CCDC102B: variants seen among roughly 807,000 people sequenced by gnomAD.
The protein encoded by CCDC102B is coiled-coil domain containing 102B.
CCDC102B carries 75 observed loss-of-function variants against 57.4 expected under a neutral mutation model. That is an observed-to-expected ratio of 1.31 (90% CI 1.08 to 1.58). CCDC102B has a LOEUF of 1.58. Ranked by LOEUF, CCDC102B falls within the 40% of genes most tolerant of loss-of-function variation. CCDC102B has a pLI of 0.00. For missense variants in CCDC102B, 636 were observed against 582.6 expected (o/e 1.09, Z -0.94); for synonymous variants, 206 against 201.9 (o/e 1.02, Z -0.17).
intron 4 of CCDC102B, among the ~76,000 whole-genome samples, chr18:68,872,745 G>A (rs185825800): frequency 1.3e-5 from 2 of 151,690 alleles, no homozygotes; most frequent in South Asian, 4.2e-4. Flanking sequence ...CTTAATCTCA[G>A]CCTTGACTAT....
At chr18:69,019,054 G>A (rs2051752081) in intron 7 of CCDC102B, among the ~76,000 whole-genome samples, 1 of 151,786 alleles carries the variant, frequency 6.6e-6, no homozygotes, top group Non-Finnish European at 1.5e-5. Flanking sequence ...TATATTGATG[G>A]GTTCATTTCT....
At chr18:68,763,751 A>G (rs1479458424) in intron 2 of CCDC102B, among the ~76,000 whole-genome samples, 1 of 137,662 alleles carries the variant, frequency 7.3e-6, no homozygotes, top group African/African-American at 3.1e-5. Context: ...ACAGACAAAT[A>G]TTCCTCAATA....
intron 2 of CCDC102B, among the ~76,000 whole-genome samples, chr18:68,751,470 C>A (rs1854296862): frequency 6.6e-6 from 1 of 151,872 alleles, no homozygotes; most frequent in Non-Finnish European, 1.5e-5. Flanking sequence ...GAGAAATCAC[C>A]AAGAAAAAGC....
chr18:68,856,173 G>T (rs2038376427), intron 4 of CCDC102B, among the ~76,000 whole-genome samples: 1 of 151,804 alleles, frequency 6.6e-6, no homozygotes, highest in Non-Finnish European at 1.5e-5. Flanking sequence ...GTTTTATATT[G>T]CAGTAATTAT....
intron 2 of CCDC102B, among the ~76,000 whole-genome samples, chr18:68,748,393 A>C (rs2033714538): frequency 6.6e-6 from 1 of 152,108 alleles, no homozygotes; most frequent in Non-Finnish European, 1.5e-5. Context: ...TGAATATAAA[A>C]TCTACAGCAT....
At chr18:68,793,501 T>G (rs544916343), upstream of CCDC102B, among the ~76,000 whole-genome samples, 57 of 152,282 alleles carry the variant, frequency 3.7e-4, no homozygotes, top group African/African-American at 1.3e-3. Context: ...TTATTCAATA[T>G]TTTGATAGTA....
intron 6 of CCDC102B, among the ~76,000 whole-genome samples, chr18:68,930,498 C>CTA (rs1343132571): frequency 6.6e-6 from 1 of 151,844 alleles, no homozygotes; most frequent in African/African-American, 2.4e-5. Context: ...ATCAGGTGTG[C>CTA]TATAGGTGGT....
intron 6 of CCDC102B, among the ~76,000 whole-genome samples, chr18:68,898,808 G>A (rs1329881901): frequency 2.0e-5 from 3 of 152,064 alleles, no homozygotes; most frequent in Admixed American, 6.6e-5. Context: ...AGAATAAAGT[G>A]GAAGGGGACA....
chr18:68,764,105 G>T (rs620271), intron 2 of CCDC102B, among the ~76,000 whole-genome samples: 2 of 151,974 alleles, frequency 1.3e-5, no homozygotes, highest in Non-Finnish European at 2.9e-5. Context: ...AAAAGCCAAG[G>T]ATCTTAAGTA....
intron 4 of CCDC102B, among the ~76,000 whole-genome samples, chr18:68,855,381 G>C (rs763795309): frequency 1.6e-4 from 24 of 152,110 alleles, no homozygotes; most frequent in Non-Finnish European, 3.2e-4. Context: ...AACTCTCTAA[G>C]ATTTAAAATT....
intron 2 of CCDC102B, among the ~76,000 whole-genome samples, chr18:68,750,841 C>T (rs2033819774): frequency 1.3e-5 from 2 of 151,132 alleles, no homozygotes; most frequent in South Asian, 4.2e-4. Context: ...GAAGATATAC[C>T]TAATGTAAAT....
intron 5 of CCDC102B, among the ~76,000 whole-genome samples, chr18:68,878,961 G>A (rs539602213): frequency 3.3e-5 from 5 of 152,232 alleles, no homozygotes; most frequent in South Asian, 2.1e-4. Flanking sequence ...CAAAGGTCGC[G>A]TCTGGAGTTT....
intron 2 of CCDC102B, among the ~76,000 whole-genome samples, chr18:68,788,982 C>T (rs2035322396): frequency 6.6e-6 from 1 of 152,096 alleles, no homozygotes; most frequent in African/African-American, 2.4e-5. Flanking sequence ...TGTTCCTTTC[C>T]ATGTTTAGTG....
chr18:68,837,358 A>C lies in CCDC102B; in HGVS notation c.595A>C (p.Thr199Pro). ...VKRQFSTKED[T>P]NNKEQGVVID... is the part of the protein sequence containing the mutation. Reference sequence around the variant, plus strand: ...AAGACAATTTTCTACAAAGGAGGACACAAATAATAAGGTAAGAAAAAAATC... The same window carrying C: ...AAGACAATTTTCTACAAAGGAGGACCCAAATAATAAGGTAAGAAAAAAATC... The change falls in exon 2 of 8, where the codon ACA becomes CCA. Residue 199 changes from threonine (T) to proline (P), a missense_variant. Transcript: ENST00000360242. 1 of 1,606,428 alleles carries C rather than the reference A, an allele frequency of 6.2e-7. No homozygotes were observed. Among genetic ancestry groups the C allele is most frequent in the South Asian group, 1.1e-5 (1 of 89,904 alleles).
At chr18:68,863,642 C>T (rs907495258) in intron 4 of CCDC102B, among the ~76,000 whole-genome samples, 4 of 151,888 alleles carry the variant, frequency 2.6e-5, no homozygotes, top group African/African-American at 9.7e-5. Context: ...TCCCCCCAAC[C>T]CCGCCATTTC....
At chr18:68,886,461 A>C (rs1257378483) in intron 5 of CCDC102B, among the ~76,000 whole-genome samples, 1 of 152,100 alleles carries the variant, frequency 6.6e-6, no homozygotes, top group South Asian at 2.1e-4. Context: ...GTGATCTTGA[A>C]CCCATTGTTG....
chr18:68,936,905 A>G (rs1179259927), intron 6 of CCDC102B, among the ~76,000 whole-genome samples: 2 of 151,818 alleles, frequency 1.3e-5, no homozygotes, highest in South Asian at 4.2e-4. Flanking sequence ...ACGTAAGTCA[A>G]TTACTATTAT....
At chr18:68,883,988 A>G (rs2039785979) in intron 5 of CCDC102B, among the ~76,000 whole-genome samples, 1 of 152,198 alleles carries the variant, frequency 6.6e-6, no homozygotes, top group African/African-American at 2.4e-5. Flanking sequence ...GTTTTTTAAA[A>G]ACTAGAAAAG....
At chr18:68,973,515 C>T (rs187650927) in intron 6 of CCDC102B, among the ~76,000 whole-genome samples, 1 of 152,130 alleles carries the variant, frequency 6.6e-6, no homozygotes, top group East Asian at 1.9e-4. Context: ...TAGCAACCAT[C>T]GACATGGTAC....
Sources: allele counts gnomAD v4.1 joint callset (sites outside exome capture counted in the v4.1 genomes callset), GRCh38; gene constraint gnomAD v4.1.1; transcripts MANE v1.5; gene names NCBI Gene and HGNC (gene_info 2026-07-23, HGNC 2026-07-21).